The following LEF1 variants were observed in gnomAD, a reference collection of about 807,000 sequenced individuals.
LEF1 encodes the protein lymphoid enhancer-binding factor 1.
LEF1 carries 14 observed loss-of-function variants against 51.2 expected under a neutral mutation model. The observed-to-expected ratio is 0.27, with a 90% confidence interval of 0.18 to 0.43. The LOEUF is 0.43. Among genes scored for constraint, LEF1 ranks in the 20% least tolerant of loss-of-function variants. The pLI is 1.00. For synonymous variants in LEF1, 185 were observed against 183.2 expected (o/e 1.01, Z -0.08); for missense variants, 386 against 512.0 (o/e 0.75, Z 2.37).
intron 3 of LEF1, among the ~76,000 whole-genome samples, chr4:108,141,021 A>T (rs1743613631): frequency 6.6e-6 from 1 of 152,248 alleles, no homozygotes; most frequent in Non-Finnish European, 1.5e-5. Context: ...GAACCAGAAG[A>T]TGTTTAAAGA....
intron 7 of LEF1, 60 bp downstream of exon 7, chr4:108,079,432 A>G: frequency 6.3e-7 from 1 of 1,585,474 alleles, no homozygotes; most frequent in South Asian, 1.1e-5. Flanking sequence ...CAAAGGAGCA[A>G]CAGTGTAGAA....
chr4:108,051,826 G>A (rs1737013248), intron 11 of LEF1, among the ~76,000 whole-genome samples: 1 of 151,920 alleles, frequency 6.6e-6, no homozygotes, highest in Non-Finnish European at 1.5e-5. Flanking sequence ...AATGGGTAGA[G>A]TTCCTTACTA....
chr4:108,105,924 G>A (rs557794444), intron 3 of LEF1, among the ~76,000 whole-genome samples: 4 of 152,186 alleles, frequency 2.6e-5, no homozygotes, highest in East Asian at 1.9e-4. Flanking sequence ...GAGCCTAAGC[G>A]TTCAATAAAT....
intron 3 of LEF1, among the ~76,000 whole-genome samples, chr4:108,145,774 T>A (rs1022481552): frequency 6.6e-6 from 1 of 152,190 alleles, no homozygotes; most frequent in Non-Finnish European, 1.5e-5. Flanking sequence ...TTATGAAATG[T>A]CTCAAATAGG....
chr4:108,062,599 C>T (rs1018473919), intron 11 of LEF1, among the ~76,000 whole-genome samples: 2 of 152,134 alleles, frequency 1.3e-5, no homozygotes, highest in African/African-American at 4.8e-5. Flanking sequence ...GCTAAGTTTC[C>T]AGGTCGGGAA....
chr4:108,131,882 T>A (rs1474732847), intron 3 of LEF1, among the ~76,000 whole-genome samples: 2 of 152,238 alleles, frequency 1.3e-5, no homozygotes, highest in Non-Finnish European at 2.9e-5. Flanking sequence ...AAATACTGGT[T>A]GTATAAAACC....
At chr4:108,100,473 T>C (rs776137589) in intron 3 of LEF1, among the ~76,000 whole-genome samples, 13 of 152,252 alleles carry the variant, frequency 8.5e-5, no homozygotes, top group Non-Finnish European at 1.6e-4. Flanking sequence ...AACTCCACTT[T>C]GTTCCATGTA....
At chr4:108,128,098 C>T (rs967249391) in intron 3 of LEF1, among the ~76,000 whole-genome samples, 1 of 152,102 alleles carries the variant, frequency 6.6e-6, no homozygotes, top group Non-Finnish European at 1.5e-5. Flanking sequence ...AGTTCAAAGA[C>T]ATAATAAATA....
At chr4:108,102,071 A>G (rs2110295782) in intron 3 of LEF1, among the ~76,000 whole-genome samples, 1 of 152,140 alleles carries the variant, frequency 6.6e-6, no homozygotes, top group Middle Eastern at 3.4e-3. Flanking sequence ...CTCAAAAAAA[A>G]AAAAAAAAGA....
chr4:108,051,260 TAAA>T (rs879760862), intron 11 of LEF1, among the ~76,000 whole-genome samples: 1 of 144,872 alleles, frequency 6.9e-6, no homozygotes, highest in African/African-American at 2.5e-5. Flanking sequence ...GACTAGTGCT[TAAA>T]AAAAAAAAAG....
At chr4:108,078,088 A>T in intron 8 of LEF1, 132 bp downstream of exon 8, 1 of 849,342 alleles carries the variant, frequency 1.2e-6, no homozygotes, top group Non-Finnish European at 1.9e-6. Flanking sequence ...AAAATTCTTT[A>T]AAATGCATCA....
intron 9 of LEF1, among the ~76,000 whole-genome samples, chr4:108,069,679 CG>C (rs1276017813): frequency 1.3e-5 from 2 of 151,990 alleles, no homozygotes; most frequent in African/African-American, 4.8e-5. Context: ...TTAAAATAGC[CG>C]GGGCAGTGGC....
intron 8 of LEF1, chr4:108,071,881 C>G (rs918829367): frequency 1.3e-5 from 2 of 152,476 alleles, no homozygotes; most frequent in Non-Finnish European, 2.9e-5. Flanking sequence ...ACACACACAC[C>G]CCACTCACAT....
At chr4:108,056,704 G>A (rs1737323606) in intron 11 of LEF1, among the ~76,000 whole-genome samples, 1 of 152,154 alleles carries the variant, frequency 6.6e-6, no homozygotes, top group African/African-American at 2.4e-5. Flanking sequence ...GGAAGACACA[G>A]GTAGGCCGTC....
At chr4:108,091,374 C>T (rs1740009049) in intron 3 of LEF1, among the ~76,000 whole-genome samples, 1 of 151,428 alleles carries the variant, frequency 6.6e-6, no homozygotes, top group Non-Finnish European at 1.5e-5. Context: ...ATTCTTATAC[C>T]CTATCTTATA....
At chr4:108,119,686 T>C (rs984328113) in intron 3 of LEF1, among the ~76,000 whole-genome samples, 3 of 152,178 alleles carry the variant, frequency 2.0e-5, no homozygotes, top group African/African-American at 4.8e-5. Context: ...GAAACACATA[T>C]GTACCTGTGC....
intron 7 of LEF1, 148 bp downstream of exon 7, chr4:108,079,344 T>TAA: frequency 1.2e-6 from 1 of 852,054 alleles, no homozygotes; most frequent in Non-Finnish European, 1.9e-6. Flanking sequence ...AGCTGCTTAA[T>TAA]GTCCTCAGGG....
intron 3 of LEF1, among the ~76,000 whole-genome samples, chr4:108,115,347 C>T (rs942926665): frequency 2.6e-5 from 4 of 152,260 alleles, no homozygotes; most frequent in East Asian, 1.9e-4. Flanking sequence ...GGAAGCTACC[C>T]GCTCTCTCAG....
chr4:108,161,158 A>T lies in LEF1; in HGVS notation c.414+2410T>A, dbSNP rs1745030452. 2.6e-5 allele frequency among the ~76,000 whole-genome samples: 4 copies of T among 152,210 alleles called. No homozygotes were observed. In the South Asian group the frequency reaches 8.3e-4, roughly 31 times the overall value. ...AGAAGTGTGGTTAGGGGTGAAGAAGAGAGGCTGTCTTCCGGTTAGTGTTTT... is the reference window on the plus strand; with the variant it reads ...AGAAGTGTGGTTAGGGGTGAAGAAGTGAGGCTGTCTTCCGGTTAGTGTTTT... On this transcript the variant is annotated intron_variant, in intron 3 of 11. Coordinates refer to ENST00000265165, the MANE Select transcript of LEF1 (RefSeq NM_016269.5).
Sources: gnomAD v4.1 joint callset for allele counts (sites outside exome capture counted in the v4.1 genomes callset) on GRCh38, gnomAD v4.1.1 for gene constraint, MANE v1.5 for transcripts, NCBI Gene and HGNC (gene_info 2026-07-23, HGNC 2026-07-21) for gene names.